Variants in TMPRSS15 observed in about 807,000 individuals in gnomAD.
The protein encoded by TMPRSS15 is transmembrane serine protease 15.
A neutral mutation model predicts 125.3 loss-of-function variants in TMPRSS15; 128 were observed. The ratio of observed to expected loss-of-function variants is 1.02; its 90% CI spans 0.89 to 1.18. TMPRSS15 has a LOEUF of 1.18. Ranked by LOEUF, TMPRSS15 falls within the 50% of genes most tolerant of loss-of-function variation. The probability of loss-of-function intolerance (pLI) is 0.00; values close to 1 mark genes in which losing one functional copy is unlikely to be tolerated. For missense variants in TMPRSS15, 1,283 were observed against 1,212.7 expected (o/e 1.06, Z -0.86); for synonymous variants, 446 against 423.2 (o/e 1.05, Z -0.66).
At chr21:18,454,062 G>T (rs979840399) in intron 1 of TMPRSS15, among the ~76,000 whole-genome samples, 1 of 152,040 alleles carries the variant, frequency 6.6e-6, no homozygotes, top group African/African-American at 2.4e-5. Context: ...CAATATGTGA[G>T]TATTGGAAAT....
chr21:18,305,252 G>A (rs956207609), intron 18 of TMPRSS15, among the ~76,000 whole-genome samples: 7 of 144,692 alleles, frequency 4.8e-5, no homozygotes, highest in Non-Finnish European at 7.5e-5. Flanking sequence ...GCAGTGGCGC[G>A]ATCTCGGCTC....
At chr21:18,311,631 G>A (rs896099100) in intron 18 of TMPRSS15, among the ~76,000 whole-genome samples, 3 of 152,132 alleles carry the variant, frequency 2.0e-5, no homozygotes, top group African/African-American at 7.2e-5. Context: ...CCCATAGACT[G>A]TTGGGGAAAA....
intron 4 of TMPRSS15, among the ~76,000 whole-genome samples, chr21:18,380,217 C>T (rs1278281026): frequency 6.7e-6 from 1 of 148,606 alleles, no homozygotes; most frequent in Admixed American, 6.7e-5. Context: ...TCATATATCT[C>T]TCATATGTAA....
At chr21:18,356,893 G>C (rs2075630573) in intron 8 of TMPRSS15, among the ~76,000 whole-genome samples, 1 of 151,766 alleles carries the variant, frequency 6.6e-6, no homozygotes, top group East Asian at 1.9e-4. Context: ...GTGTGCCTCA[G>C]GATAAGCATG....
intron 7 of TMPRSS15, among the ~76,000 whole-genome samples, chr21:18,364,200 T>C (rs984142826): frequency 2.0e-5 from 3 of 152,100 alleles, no homozygotes; most frequent in Admixed American, 6.5e-5. Context: ...TCATCATCAA[T>C]ATAATATAAT....
chr21:18,401,743 A>G (rs903656974), intron 1 of TMPRSS15, among the ~76,000 whole-genome samples: 3 of 152,226 alleles, frequency 2.0e-5, no homozygotes, highest in African/African-American at 7.2e-5. Context: ...AATAGTTTAA[A>G]AAGAAAAAAA....
intron 1 of TMPRSS15, among the ~76,000 whole-genome samples, chr21:18,482,471 C>T (rs1242546333): frequency 1.3e-5 from 2 of 151,470 alleles, no homozygotes; most frequent in South Asian, 2.1e-4. Context: ...GATAAACACT[C>T]AAAGTGATGG....
rs2075739121 is a variant in TMPRSS15 at position 18,366,464 on chromosome 21, C to G, written c.665-1216G>C. Among the ~76,000 whole-genome samples, 3 of 152,134 alleles carry G rather than the reference C, an allele frequency of 2.0e-5. No individual in the cohort carries two copies. In the South Asian group the frequency reaches 6.2e-4, roughly 32 times the overall value. ...TAGTAGATTTATTTCATGAATCTCT[C>G]CTTAATGTCATGCATTATTAGTTGC... On this transcript the variant is annotated intron_variant, in intron 6 of 24. Coordinates refer to ENST00000284885, the MANE Select transcript of TMPRSS15 (RefSeq NM_002772.3).
intron 16 of TMPRSS15, among the ~76,000 whole-genome samples, chr21:18,325,562 T>C (rs1374427125): frequency 2.0e-5 from 3 of 152,048 alleles, no homozygotes; most frequent in African/African-American, 7.2e-5. Context: ...ACCCTACCTC[T>C]TTTCTAGATA....
At chr21:18,321,969 A>C (rs1460879255) in intron 16 of TMPRSS15, among the ~76,000 whole-genome samples, 1 of 152,226 alleles carries the variant, frequency 6.6e-6, no homozygotes, top group Non-Finnish European at 1.5e-5. Context: ...AGCTTCAATC[A>C]GGGGGATTTT....
intron 1 of TMPRSS15, among the ~76,000 whole-genome samples, chr21:18,482,811 T>C (rs1390282858): frequency 6.6e-6 from 1 of 151,722 alleles, no homozygotes. Flanking sequence ...AACACCTTCT[T>C]TCTAACTTAT....
chr21:18,434,241 A>C (rs926104043), intron 1 of TMPRSS15, among the ~76,000 whole-genome samples: 17 of 152,166 alleles, frequency 1.1e-4, no homozygotes, highest in African/African-American at 4.1e-4. Context: ...ACGTATACTC[A>C]TATCTATAGC....
chr21:18,275,951 G>A (rs1334461979), intron 23 of TMPRSS15, among the ~76,000 whole-genome samples: 2 of 152,154 alleles, frequency 1.3e-5, no homozygotes, highest in Admixed American at 6.5e-5. Context: ...CTAGAAGTAC[G>A]AATCTCTGCT....
chr21:18,313,924 C>G (rs187972823), intron 17 of TMPRSS15, among the ~76,000 whole-genome samples: 2 of 149,410 alleles, frequency 1.3e-5, no homozygotes, highest in Non-Finnish European at 3.0e-5. Flanking sequence ...TTTCTTTGTA[C>G]TTGCTTTTAT....
chr21:18,337,483 T>C (rs1173594021), intron 13 of TMPRSS15, among the ~76,000 whole-genome samples: 1 of 152,208 alleles, frequency 6.6e-6, no homozygotes, highest in African/African-American at 2.4e-5. Flanking sequence ...GAATGTTTAT[T>C]CTCTTAAAGT....
intron 21 of TMPRSS15, among the ~76,000 whole-genome samples, chr21:18,293,957 C>G (rs973898232): frequency 6.6e-6 from 1 of 152,118 alleles, no homozygotes; most frequent in Non-Finnish European, 1.5e-5. Flanking sequence ...ACTAATTTCA[C>G]GCTCTTAAAA....
intron 1 of TMPRSS15, among the ~76,000 whole-genome samples, chr21:18,464,570 A>C (rs1978619442): frequency 2.0e-5 from 3 of 152,164 alleles, no homozygotes; most frequent in African/African-American, 4.8e-5. Flanking sequence ...AAATATGATA[A>C]AGGGGATATC....
chr21:18,441,661 C>CATTATTATT (rs113071625), intron 1 of TMPRSS15, among the ~76,000 whole-genome samples: 61 of 134,720 alleles, frequency 4.5e-4, no homozygotes, highest in African/African-American at 9.9e-4. Context: ...CTTTAGGACA[C>CATTATTATT]ATTATTATTA....
intron 16 of TMPRSS15, among the ~76,000 whole-genome samples, chr21:18,322,442 A>T (rs371682077): frequency 1.3e-5 from 2 of 152,220 alleles, no homozygotes; most frequent in Admixed American, 6.5e-5. Flanking sequence ...TTACTGCAGC[A>T]CTATTCTTAA....
Sources: gnomAD v4.1 joint callset for allele counts (sites outside exome capture counted in the v4.1 genomes callset) on GRCh38, gnomAD v4.1.1 for gene constraint, MANE v1.5 for transcripts, NCBI Gene and HGNC (gene_info 2026-07-23, HGNC 2026-07-21) for gene names.